Variants in CTSL observed in about 807,000 individuals in gnomAD.
The protein encoded by CTSL is cathepsin L, also known as procathepsin L.
Under a neutral mutation model 34.7 loss-of-function variants are expected in CTSL, and 23 were observed. The ratio of observed to expected loss-of-function variants is 0.66; its 90% CI spans 0.48 to 0.94. The LOEUF is 0.94. Ranked by LOEUF, CTSL falls within the 40% of genes least tolerant of loss-of-function variation. The pLI is 0.00. For missense variants in CTSL, 361 were observed against 406.3 expected (o/e 0.89, Z 0.96); for synonymous variants, 129 against 136.7 (o/e 0.94, Z 0.39).
chr9:87,731,132 A>G lies in CTSL; in HGVS notation c.*25A>G. 1 of 1,589,004 alleles carries G rather than the reference A, an allele frequency of 6.3e-7. No individual in the cohort carries two copies. The highest frequency in any genetic ancestry group is 8.6e-7 in the Non-Finnish European group (1 of 1,157,972). On this transcript the variant is annotated 3_prime_UTR_variant, in exon 8 of 8. Transcript: ENST00000343150. ...AGCTGGTGGACGGTGATGAGGAAGG[A>G]CTTGACTGGGGATGGCGCATGCATG... is the stretch of plus-strand genomic sequence containing the variant.
chr9:87,728,673 G>A lies in CTSL; in HGVS notation c.485G>A (p.Ser162Asn). The A allele has an allele frequency of 1.2e-6, 2 of 1,614,130 alleles. No individual in the cohort carries two copies. The highest frequency in any genetic ancestry group is 1.7e-6 in the Non-Finnish European group (2 of 1,180,038). ...FRKTGRLISL[S>N]EQNLVDCSGP... ...AAAACTGGGAGGCTTATCTCACTGA[G>A]TGAGCAGAATCTGGTAGACTGCTCT... The change falls in exon 5 of 8, where the codon AGT becomes AAT. Residue 162 changes from serine to asparagine, a missense_variant. Physicochemically the swap from Ser to Asn is conservative, Grantham distance 46 (BLOSUM62 1). Coordinates refer to ENST00000343150, the MANE Select transcript of CTSL (RefSeq NM_001912.5).
In CTSL at chr9:87,730,319, G is replaced by T. The variant is rs1278991707; in HGVS notation, c.785-62G>T. The T allele has an allele frequency of 5.7e-6, 6 of 1,046,574 alleles. 1 individual carries two copies. The Admixed American group carries it at 1.4e-4, about 25-fold the overall frequency. The allele number at this position is 1,046,574 out of a possible 1,614,324, so 64.8% of individuals were successfully genotyped here. ...ATGCCTCATTCCCTGTGGGTGACAG[G>T]ATGGGTTACTGTCATGTGTCCTCTG... On this transcript the variant is annotated intron_variant, in intron 6 of 7. Coordinates refer to ENST00000343150, the MANE Select transcript of CTSL (RefSeq NM_001912.5).
chr9:87,728,226 C>T, intron 3 of CTSL, 24 bp from the exon 4 acceptor site: 1 of 1,614,074 alleles, frequency 6.2e-7, no homozygotes, highest in Non-Finnish European at 8.5e-7. Context: ...TGCTTTTCAA[C>T]ATTTTATTTC....
Position 87,729,078 on chromosome 9 carries a change from A to G in CTSL, c.621+269A>G, listed in dbSNP as rs1410884053. On this transcript the variant is annotated intron_variant, in intron 5 of 7. Transcript: ENST00000343150. ...GTGGTGTGCGTCTGTGGTCCCAGCT[A>G]TGCTGAGGTAGGGCGATTGCTTGAG... The G allele has an allele frequency of 2.2e-5, 19 of 847,554 alleles. No homozygotes were observed. In the East Asian group the frequency reaches 4.3e-4, roughly 19 times the overall value. 52.5% of individuals were successfully genotyped at this position (847,554 alleles called of 1,614,324 possible). A position where few individuals can be genotyped will look rare whatever the true frequency, so the allele number is the denominator to read the frequency against.
Position 87,727,743 on chromosome 9 carries a change from C to A in CTSL, c.126+14C>A. On this transcript the variant is annotated intron_variant, in intron 2 of 7. Transcript: ENST00000343150. ...TTATACGGCATGGTTAGTGAAACTT[C>A]CCCAGAAAGAATAGTCCTGGCTGTT... The A allele has an allele frequency of 6.2e-7, 1 of 1,613,856 alleles. No individual in the cohort carries two copies. Among genetic ancestry groups the A allele is most frequent in the Non-Finnish European group, 8.5e-7 (1 of 1,179,928 alleles).
At position 87,727,685 on chromosome 9, in the gene CTSL, C is replaced by T. The variant is rs1826076502; in HGVS notation, c.82C>T (p.Gln28Ter). Reference sequence around the variant, plus strand: ...AACATTTGATCACAGTTTAGAGGCACAGTGGACCAAGTGGAAGGCGATGCA... The same window carrying T: ...AACATTTGATCACAGTTTAGAGGCATAGTGGACCAAGTGGAAGGCGATGCA... ...TLTFDHSLEA[Q>*]WTKWKAMHNR... is the part of the protein sequence containing the mutation. The change falls in exon 2 of 8, where the codon CAG becomes TAG. Residue 28 changes from glutamine (Q) to a stop codon, truncating the protein, a stop_gained. Transcript: ENST00000343150. LOFTEE classifies it high-confidence loss of function. 2 of 1,613,954 alleles carry T rather than the reference C, an allele frequency of 1.2e-6. No individual in the cohort carries two copies. Among genetic ancestry groups the T allele is most frequent in the Non-Finnish European group, 1.7e-6 (2 of 1,180,030 alleles).
At chr9:87,727,836 A>G (rs1003880187) in intron 2 of CTSL, 107 bp downstream of exon 2, 12 of 1,447,920 alleles carry the variant, frequency 8.3e-6, no homozygotes, top group Non-Finnish European at 1.0e-5. Context: ...TAATAACCTA[A>G]TGGCGTGGAT....
chr9:87,730,520 T>TA, intron 7 of CTSL, 22 bp downstream of exon 7: 14 of 1,501,998 alleles, frequency 9.3e-6, no homozygotes, highest in Non-Finnish European at 1.2e-5. Flanking sequence ...CAGAAATACT[T>TA]ACATTTGAAA....
Position 87,731,426 on chromosome 9 carries a change from G to C in CTSL, c.*319G>C. ...GGCTTCTTTCTATTTTTGATGCACTGAATTTTTGTGTAATAAAGAACATAA... is the reference window on the plus strand; with the variant it reads ...GGCTTCTTTCTATTTTTGATGCACTCAATTTTTGTGTAATAAAGAACATAA... On this transcript the variant is annotated 3_prime_UTR_variant, in exon 8 of 8. Coordinates refer to ENST00000343150, the MANE Select transcript of CTSL (RefSeq NM_001912.5). 5.0e-6 allele frequency: 1 copy of C among 201,002 alleles called. No individual in the cohort carries two copies. The highest frequency in any genetic ancestry group is 1.0e-5 in the Non-Finnish European group (1 of 97,638). 12.5% of individuals were successfully genotyped at this position (201,002 alleles called of 1,614,324 possible).
At chr9:87,729,049 T>G in intron 5 of CTSL, 3 of 1,078,710 alleles carry the variant, frequency 2.8e-6, no homozygotes, top group African/African-American at 1.6e-5. Flanking sequence ...ATTAGCCGGC[T>G]GTGGTGGTGT....
At chr9:87,730,353 C>T in intron 6 of CTSL, 28 bp from the exon 7 acceptor site, 1 of 1,521,046 alleles carries the variant, frequency 6.6e-7, no homozygotes, top group South Asian at 1.2e-5. Context: ...TGGAGCTTCT[C>T]ACCCCAGCCC....
chr9:87,726,574 C>T lies in CTSL; in HGVS notation c.-11+176C>T, dbSNP rs58218735. 0.011 allele frequency among the ~76,000 whole-genome samples: 1,651 copies of T among 152,330 alleles called. 88 individuals are homozygous for T. The East Asian group carries it at 0.14, about 13-fold the overall frequency. ...GTCCCCGGCCCTGCCACGCCTGGAG[C>T]CCTGGAAGCTGGCTGCAGGGCGCTG... On this transcript the variant is annotated intron_variant, in intron 1 of 7. Coordinates refer to ENST00000343150, the MANE Select transcript of CTSL (RefSeq NM_001912.5).
intron 7 of CTSL, among the ~76,000 whole-genome samples, 179 bp from the exon 8 acceptor site, chr9:87,730,829 G>A (rs1826229711): frequency 6.6e-6 from 1 of 152,208 alleles, no homozygotes; most frequent in African/African-American, 2.4e-5. Flanking sequence ...TGGAGGCTGG[G>A]ATGGAAATTA....
At chr9:87,727,139 G>GAT (rs1826042949) in intron 1 of CTSL, among the ~76,000 whole-genome samples, 1 of 152,212 alleles carries the variant, frequency 6.6e-6, no homozygotes, top group East Asian at 1.9e-4. Flanking sequence ...GAAGATGTGT[G>GAT]AAGGCCTCCT....
At chr9:87,729,146 C>T (rs1169544045) in intron 5 of CTSL, 1 of 472,888 alleles carries the variant, frequency 2.1e-6, no homozygotes, top group Admixed American at 3.8e-5. Context: ...GTCTGAGTGA[C>T]AGAATGAGAC....
At chr9:87,728,940 C>T in intron 5 of CTSL, 131 bp downstream of exon 5, 1 of 1,493,486 alleles carries the variant, frequency 6.7e-7, no homozygotes, top group Non-Finnish European at 8.9e-7. Context: ...AATCCCAGCC[C>T]TTTAGGAGGC....
intron 1 of CTSL, among the ~76,000 whole-genome samples, chr9:87,727,041 A>AAAATAAATAAATAAATAAAT (rs71507737): frequency 3.5e-5 from 5 of 144,884 alleles, no homozygotes; most frequent in East Asian, 2.0e-4. Flanking sequence ...TCCATCTCAA[A>AAAATAAATAAATAAATAAAT]AAATAAATAA....
chr9:87,730,632 A>G, intron 7 of CTSL, 134 bp downstream of exon 7: 2 of 614,970 alleles, frequency 3.3e-6, no homozygotes, highest in Non-Finnish European at 5.6e-6. Context: ...AACATATAAT[A>G]TTAATGTTTG....
intron 1 of CTSL, among the ~76,000 whole-genome samples, chr9:87,727,082 A>AAATAAATG (rs1826038937): frequency 6.6e-6 from 1 of 150,834 alleles, no homozygotes; most frequent in Admixed American, 6.6e-5. Context: ...ATAAATAAAT[A>AAATAAATG]GGAGAGATTG....
Sources: gnomAD v4.1 joint callset for allele counts (sites outside exome capture counted in the v4.1 genomes callset) on GRCh38, gnomAD v4.1.1 for gene constraint, MANE v1.5 for transcripts, NCBI Gene and HGNC (gene_info 2026-07-23, HGNC 2026-07-21) for gene names.